The following PDE9A variants were observed in gnomAD, a reference collection of about 807,000 sequenced individuals.
PDE9A encodes the protein phosphodiesterase 9A, also known as high affinity cGMP-specific 3',5'-cyclic phosphodiesterase 9A.
PDE9A carries 60 observed loss-of-function variants against 87.4 expected under a neutral mutation model. That is an observed-to-expected ratio of 0.69 (90% CI 0.56 to 0.85). The LOEUF (loss-of-function observed/expected upper bound fraction) is 0.85. Among genes scored for constraint, PDE9A ranks in the 40% least tolerant of loss-of-function variants. The pLI is 0.00. For missense variants in PDE9A, 665 were observed against 779.0 expected, an observed-to-expected ratio of 0.85 and a Z score of 1.74; for synonymous variants, 272 against 279.4, an observed-to-expected ratio of 0.97 and a Z score of 0.27.
At chr21:42,689,119 G>A (rs1364309046) in intron 3 of PDE9A, among the ~76,000 whole-genome samples, 1 of 151,724 alleles carries the variant, frequency 6.6e-6, no homozygotes, top group East Asian at 1.9e-4. Context: ...ACTCAGCGAG[G>A]TCCCAGTGGA....
Position 42,690,892 on chromosome 21 carries a change from C to T in PDE9A, c.218+2898C>T, listed in dbSNP as rs117803676. Among the ~76,000 whole-genome samples, 963 of 152,298 alleles carry T rather than the reference C, an allele frequency of 6.3e-3. 7 individuals are homozygous for T. Among genetic ancestry groups the T allele is most frequent in the Non-Finnish European group, 9.9e-3 (673 of 68,026 alleles). On this transcript the variant is annotated intron_variant, in intron 3 of 19. Transcript: ENST00000291539. ...CAGCTTCTGCTTATCCGCTAGGTGCCAGCCCAGCCACCTGCCTTAAGCACC... is the reference window on the plus strand; with the variant it reads ...CAGCTTCTGCTTATCCGCTAGGTGCTAGCCCAGCCACCTGCCTTAAGCACC...
At chr21:42,764,444 A>G (rs1033408964) in intron 14 of PDE9A, among the ~76,000 whole-genome samples, 2 of 152,248 alleles carry the variant, frequency 1.3e-5, no homozygotes, top group Non-Finnish European at 2.9e-5. Flanking sequence ...TGCATCTGCC[A>G]CTGCTACCCC....
At chr21:42,733,218 C>T in intron 6 of PDE9A, 138 bp from the exon 7 acceptor site, 1 of 624,088 alleles carries the variant, frequency 1.6e-6, no homozygotes. Flanking sequence ...AGCATGTTGG[C>T]ACCTCAGACC....
chr21:42,775,367 T>G lies in PDE9A; in HGVS notation c.*74T>G, dbSNP rs777208341. 434 of 1,356,204 alleles carry G rather than the reference T, an allele frequency of 3.2e-4. No individual in the cohort carries two copies. The highest frequency in any genetic ancestry group is 4.2e-4 in the Non-Finnish European group (416 of 979,084). 84.0% of individuals were successfully genotyped at this position (1,356,204 alleles called of 1,614,324 possible). A position where few individuals can be genotyped will look rare whatever the true frequency, so the allele number is the denominator to read the frequency against. On this transcript the variant is annotated 3_prime_UTR_variant, in exon 20 of 20. Coordinates refer to ENST00000291539, the MANE Select transcript of PDE9A (RefSeq NM_002606.3). ...GCGGGATCCTTGTGCAGGGAAGAGC[T>G]GCCCTGGGCACCTGGCACCACAAGA...
chr21:42,754,717 T>G (rs1312112907), intron 10 of PDE9A, among the ~76,000 whole-genome samples: 10 of 152,346 alleles, frequency 6.6e-5, no homozygotes, highest in Middle Eastern at 3.4e-3. Context: ...CCCCATACTG[T>G]TCTCGTGATA....
At position 42,721,963 on chromosome 21, in the gene PDE9A, G is replaced by A. The variant is rs2050575005; in HGVS notation, c.263-9807G>A. The stretch of plus-strand genomic sequence containing the variant: ...CCTTTTACCCTTTTCTGAAAGGATA[G>A]CAGAGGTATTTTTCTTTTCTTTTTT... On this transcript the variant is annotated intron_variant, in intron 4 of 19. Transcript: ENST00000291539. 2.1e-5 allele frequency among the ~76,000 whole-genome samples: 3 copies of A among 145,304 alleles called. No homozygotes were observed. The South Asian group carries it at 6.9e-4, about 34-fold the overall frequency.
In PDE9A at chr21:42,751,164, G is replaced by A. The variant is rs1416948044; in HGVS notation, c.702G>A (p.Leu234=). Residue 234 remains leucine, a synonymous_variant, in exon 9 of 20, where the codon TTG becomes TTA. Coordinates refer to ENST00000291539, the MANE Select transcript of PDE9A (RefSeq NM_002606.3). Reference sequence around the variant, plus strand: ...GTTTTTTGGATAACCACAAGAAGTTGACTCCTCGACGCGATGTTCCCACTT... The same window carrying A: ...GTTTTTTGGATAACCACAAGAAGTTAACTCCTCGACGCGATGTTCCCACTT... The part of the protein sequence containing the change: ...KYSFLDNHKK[L]TPRRDVPTYP... The A allele has an allele frequency of 1.2e-6, 2 of 1,613,096 alleles. No homozygotes were observed. The highest frequency in any genetic ancestry group is 2.7e-5 in the African/African-American group (2 of 74,862).
intron 1 of PDE9A, among the ~76,000 whole-genome samples, chr21:42,682,641 C>A (rs538875093): frequency 6.6e-6 from 1 of 152,234 alleles, no homozygotes; most frequent in Non-Finnish European, 1.5e-5. Flanking sequence ...CTTCTCAAGG[C>A]CCCCACGATA....
intron 7 of PDE9A, among the ~76,000 whole-genome samples, chr21:42,735,966 C>T (rs2052365556): frequency 6.6e-6 from 1 of 152,104 alleles, no homozygotes; most frequent in Non-Finnish European, 1.5e-5. Context: ...TGAGCCAAAG[C>T]ATGCAAAAAA....
At chr21:42,752,641 C>T (rs1285791101) in intron 9 of PDE9A, among the ~76,000 whole-genome samples, 1 of 152,176 alleles carries the variant, frequency 6.6e-6, no homozygotes, top group Non-Finnish European at 1.5e-5. Context: ...GGATCCTGTC[C>T]CAGGGAGCCG....
At chr21:42,680,246 T>C (rs2059096468) in intron 1 of PDE9A, among the ~76,000 whole-genome samples, 1 of 152,120 alleles carries the variant, frequency 6.6e-6, no homozygotes, top group Admixed American at 6.5e-5. Flanking sequence ...CAGCTCCACA[T>C]CTCTCAGTAA....
At chr21:42,668,402 G>C (rs1288363155) in intron 1 of PDE9A, among the ~76,000 whole-genome samples, 7 of 152,206 alleles carry the variant, frequency 4.6e-5, no homozygotes, top group Non-Finnish European at 4.4e-5. Flanking sequence ...CAGAGAGGGG[G>C]TGGCGGAAGG....
intron 9 of PDE9A, among the ~76,000 whole-genome samples, chr21:42,753,590 C>T (rs959277294): frequency 1.6e-4 from 25 of 151,790 alleles, no homozygotes; most frequent in Non-Finnish European, 1.3e-4. Flanking sequence ...AAGCTGGGTG[C>T]GGTGGCTCAC....
At position 42,775,162 on chromosome 21, in the gene PDE9A, G is replaced by A. The variant is rs1157122662; in HGVS notation, c.1769-118G>A. The A allele has an allele frequency of 7.6e-5, 68 of 898,652 alleles. 2 individuals carry two copies. The highest frequency in any genetic ancestry group is 6.7e-4 in the South Asian group (43 of 63,876). The allele number at this position is 898,652 out of a possible 1,614,324, so 55.7% of individuals were successfully genotyped here. On this transcript the variant is annotated intron_variant, in intron 19 of 19. Transcript: ENST00000291539. ...TCACCATGTTGGTCAGCCTGGTCTC[G>A]AACTCCTGACCTCGTGATCCACCCA...
chr21:42,705,633 C>T lies in PDE9A; in HGVS notation c.262+6622C>T, dbSNP rs547597291. On this transcript the variant is annotated intron_variant, in intron 4 of 19. Coordinates refer to ENST00000291539, the MANE Select transcript of PDE9A (RefSeq NM_002606.3). The surrounding 1 kb of genome is among the most constrained non-coding windows in gnomAD (Gnocchi z 4.3). Reference sequence around the variant, plus strand: ...TTAGGGAAAGCGTGCTGCAGTCACACGCCAGGACGGCCCCCCACGGCCCAA... The same window carrying T: ...TTAGGGAAAGCGTGCTGCAGTCACATGCCAGGACGGCCCCCCACGGCCCAA... 3.9e-5 allele frequency among the ~76,000 whole-genome samples: 6 copies of T among 152,234 alleles called. No individual in the cohort carries two copies. The highest frequency in any genetic ancestry group is 7.2e-5 in the African/African-American group (3 of 41,554).
intron 1 of PDE9A, among the ~76,000 whole-genome samples, chr21:42,661,571 C>G (rs1020577975): frequency 9.2e-5 from 14 of 152,174 alleles, no homozygotes; most frequent in African/African-American, 3.4e-4. Context: ...GAATTTCCTG[C>G]CTTTTTAAGG....
intron 4 of PDE9A, among the ~76,000 whole-genome samples, chr21:42,714,891 A>G (rs112584420): frequency 9.4e-4 from 82 of 87,002 alleles, no homozygotes; most frequent in South Asian, 2.4e-3. Context: ...GATATGGTTG[A>G]GGTTAGCTCT....
Position 42,759,029 on chromosome 21 carries a change from G to C in PDE9A, c.841G>C (p.Asp281His). Residue 281 changes from aspartate (D) to histidine (H), a missense_variant, in exon 11 of 20, where the codon GAC (aspartate) becomes CAC (histidine). Asp to His is a moderately conservative substitution (Grantham distance 81, BLOSUM62 -1). Coordinates refer to ENST00000291539, the MANE Select transcript of PDE9A (RefSeq NM_002606.3). This position sits in a 1 kb window ranked among gnomAD's most constrained non-coding sequence, Gnocchi z 7.2. ...MLSCLEHMYH[D>H]LGLVRDFSIN... is the part of the protein sequence containing the mutation. ...GAGCTGCCTGGAGCACATGTACCAC[G>C]ACCTCGGGCTGGTCAGGGACTTCAG... The C allele has an allele frequency of 6.2e-7, 1 of 1,614,044 alleles. No individual in the cohort carries two copies. Among genetic ancestry groups the C allele is most frequent in the Non-Finnish European group, 8.5e-7 (1 of 1,179,960 alleles).
At chr21:42,683,049 T>C (rs2059255682) in intron 1 of PDE9A, among the ~76,000 whole-genome samples, 1 of 152,198 alleles carries the variant, frequency 6.6e-6, no homozygotes, top group South Asian at 2.1e-4. Context: ...ACTGATAGCT[T>C]AAGAAGACAG....
Sources: allele counts gnomAD v4.1 joint callset (sites outside exome capture counted in the v4.1 genomes callset), GRCh38; gene constraint gnomAD v4.1.1; non-coding constraint Gnocchi (gnomAD v3.1); transcripts MANE v1.5; gene names NCBI Gene and HGNC (gene_info 2026-07-23, HGNC 2026-07-21).